The following DPYD variants were observed in gnomAD, a reference collection of about 807,000 sequenced individuals.
DPYD encodes dihydropyrimidine dehydrogenase.
DPYD carries 109 observed loss-of-function variants against 116.2 expected under a neutral mutation model. The ratio of observed to expected loss-of-function variants is 0.94; its 90% CI spans 0.80 to 1.10. The LOEUF (loss-of-function observed/expected upper bound fraction) is 1.10. DPYD is among the 50% of genes least tolerant of loss of function. DPYD has a pLI of 0.00. For synonymous variants in DPYD, 440 were observed against 432.0 expected (o/e 1.02, Z -0.23); for missense variants, 1,302 against 1,254.5 (o/e 1.04, Z -0.57).
chr1:97,381,392 T>A (rs1345351151), intron 15 of DPYD, among the ~76,000 whole-genome samples: 5 of 152,192 alleles, frequency 3.3e-5, no homozygotes. Flanking sequence ...AGCGGCATGA[T>A]AAAGCCATTC....
chr1:97,360,151 C>A (rs968292017), intron 16 of DPYD, among the ~76,000 whole-genome samples: 6 of 151,886 alleles, frequency 4.0e-5, no homozygotes, highest in Non-Finnish European at 7.4e-5. Flanking sequence ...GCAGAGGTTG[C>A]AATAATAGTA....
chr1:97,882,387 T>C (rs1476479032), intron 2 of DPYD, among the ~76,000 whole-genome samples: 2 of 151,938 alleles, frequency 1.3e-5, no homozygotes, highest in African/African-American at 2.4e-5. Context: ...ACCCTCAGTT[T>C]CCATCCTCAA....
intron 8 of DPYD, among the ~76,000 whole-genome samples, chr1:97,607,885 G>C (rs1265355983): frequency 1.3e-5 from 2 of 151,834 alleles, no homozygotes; most frequent in African/African-American, 2.4e-5. Flanking sequence ...TGATTTTTCA[G>C]TACAATACAT....
intron 11 of DPYD, among the ~76,000 whole-genome samples, chr1:97,570,206 CA>C (rs1652799354): frequency 6.6e-6 from 1 of 151,892 alleles, no homozygotes; most frequent in South Asian, 2.1e-4. Flanking sequence ...AATCTCCTTT[CA>C]ATTTTCCAAT....
At chr1:97,538,882 G>C (rs552119079) in intron 12 of DPYD, among the ~76,000 whole-genome samples, 1 of 152,098 alleles carries the variant, frequency 6.6e-6, no homozygotes, top group Admixed American at 6.5e-5. Flanking sequence ...TAGTTTCAGA[G>C]GGGGGTTGAC....
chr1:97,260,547 A>T (rs1364183430), intron 18 of DPYD, among the ~76,000 whole-genome samples: 1 of 152,144 alleles, frequency 6.6e-6, no homozygotes, highest in African/African-American at 2.4e-5. Context: ...ATAAGTATAC[A>T]ATTGAAAAAT....
At chr1:97,082,766 A>G (rs1408797332) in intron 21 of DPYD, among the ~76,000 whole-genome samples, 1 of 152,124 alleles carries the variant, frequency 6.6e-6, no homozygotes, top group African/African-American at 2.4e-5. Flanking sequence ...GAAAGAATAA[A>G]TGACACCCGT....
At chr1:97,081,729 TTTTTTC>T (rs1323472639) in intron 22 of DPYD, among the ~76,000 whole-genome samples, 1 of 149,982 alleles carries the variant, frequency 6.7e-6, no homozygotes, top group Non-Finnish European at 1.5e-5. Flanking sequence ...TTTTTTTTTT[TTTTTTC>T]CTGCATGGTA....
At position 97,098,597 on chromosome 1, in the gene DPYD, G is replaced by C. The variant is rs1264572795; in HGVS notation, c.2658C>G (p.Arg886=). 1 of 1,612,830 alleles carries C rather than the reference G, an allele frequency of 6.2e-7. No individual in the cohort carries two copies. Among genetic ancestry groups the C allele is most frequent in the East Asian group, 2.2e-5 (1 of 44,746 alleles). The part of the protein sequence containing the change: ...LPSFGPYLEQ[R]KKIIAENKIR... ...TCTTGTTTTCTGCTATGATTTTCTT[G>C]CGCTGTTCCAGATAAGGTCCAAAAC... The change falls in exon 21 of 23, where the codon CGC becomes CGG. Residue 886 remains arginine, a synonymous_variant. Coordinates refer to ENST00000370192, the MANE Select transcript of DPYD (RefSeq NM_000110.4).
At chr1:97,700,682 G>C (rs1026353178) in intron 5 of DPYD, among the ~76,000 whole-genome samples, 7 of 151,790 alleles carry the variant, frequency 4.6e-5, no homozygotes, top group Non-Finnish European at 8.8e-5. Context: ...GTCCAAGCCT[G>C]CAAGAAAAAT....
intron 20 of DPYD, among the ~76,000 whole-genome samples, chr1:97,169,982 T>A (rs1181695918): frequency 1.3e-5 from 2 of 152,174 alleles, no homozygotes; most frequent in East Asian, 3.9e-4. Flanking sequence ...GATAAATATT[T>A]AGATCATTAT....
chr1:97,834,955 G>A (rs1024476563), intron 2 of DPYD, among the ~76,000 whole-genome samples: 3 of 151,888 alleles, frequency 2.0e-5, no homozygotes, highest in African/African-American at 7.3e-5. Context: ...ATGATTTCCA[G>A]TTCTAATCAA....
intron 14 of DPYD, among the ~76,000 whole-genome samples, chr1:97,414,474 T>C (rs1262993575): frequency 6.6e-6 from 1 of 152,240 alleles, no homozygotes; most frequent in Non-Finnish European, 1.5e-5. Flanking sequence ...ATAGGACTTG[T>C]ACAGTTTCGG....
intron 8 of DPYD, among the ~76,000 whole-genome samples, chr1:97,637,471 T>C (rs1442527465): frequency 6.6e-6 from 1 of 151,602 alleles, no homozygotes; most frequent in Non-Finnish European, 1.5e-5. Context: ...CCCCAGACAC[T>C]GAACATAAGA....
rs529353299 is a variant in DPYD at position 97,146,620 on chromosome 1, T to A, written c.2622+46449A>T. On this transcript the variant is annotated intron_variant, in intron 20 of 22. Coordinates refer to ENST00000370192, the MANE Select transcript of DPYD (RefSeq NM_000110.4). ...TTAAATCTAAGAATACGGAGAATACTCTTCCATTCTTTTCTAGCCATTTTT... is the reference window on the plus strand; with the variant it reads ...TTAAATCTAAGAATACGGAGAATACACTTCCATTCTTTTCTAGCCATTTTT... 2.0e-5 allele frequency among the ~76,000 whole-genome samples: 3 copies of A among 152,368 alleles called. No homozygotes were observed. In the East Asian group the frequency reaches 5.8e-4, roughly 29 times the overall value.
At chr1:97,274,167 A>AATTT (rs1251648380) in intron 18 of DPYD, among the ~76,000 whole-genome samples, 17 of 152,314 alleles carry the variant, frequency 1.1e-4, no homozygotes, top group African/African-American at 4.1e-4. Flanking sequence ...AAATTCAAGG[A>AATTT]ACCTAGAACA....
chr1:97,463,301 G>C (rs1213394672), intron 13 of DPYD, among the ~76,000 whole-genome samples: 2 of 152,174 alleles, frequency 1.3e-5, no homozygotes, highest in African/African-American at 2.4e-5. Context: ...GTTTTATAAA[G>C]AGGAGTTTCC....
intron 8 of DPYD, among the ~76,000 whole-genome samples, chr1:97,644,937 CA>C: frequency 6.6e-6 from 1 of 152,118 alleles, no homozygotes; most frequent in African/African-American, 2.4e-5. Flanking sequence ...AATGCATACA[CA>C]AGAAAAATTT....
intron 1 of DPYD, among the ~76,000 whole-genome samples, chr1:97,892,597 G>C (rs1672832927): frequency 6.6e-6 from 1 of 151,748 alleles, no homozygotes; most frequent in Non-Finnish European, 1.5e-5. Flanking sequence ...ATGGTAATCA[G>C]TCCTGGTCAA....
Sources: allele counts gnomAD v4.1 joint callset (sites outside exome capture counted in the v4.1 genomes callset), GRCh38; gene constraint gnomAD v4.1.1; transcripts MANE v1.5; gene names NCBI Gene and HGNC (gene_info 2026-07-23, HGNC 2026-07-21).